Variants in ZNF140 observed in about 807,000 individuals in gnomAD.
ZNF140 encodes zinc finger protein 140 (clone pHZ-39).
Under a neutral mutation model 12.9 loss-of-function variants are expected in ZNF140, and 13 were observed. The ratio of observed to expected loss-of-function variants is 1.01; its 90% CI spans 0.66 to 1.60. The LOEUF (loss-of-function observed/expected upper bound fraction) is 1.60. Ranked by LOEUF, ZNF140 falls within the 40% of genes most tolerant of loss-of-function variation. The pLI is 0.00. For synonymous variants in ZNF140, 214 were observed against 186.7 expected (o/e 1.15, Z -1.19); for missense variants, 531 against 548.8 (o/e 0.97, Z 0.32).
intron 4 of ZNF140, among the ~76,000 whole-genome samples, chr12:133,091,176 A>G (rs1353866967): frequency 1.3e-5 from 2 of 150,298 alleles, no homozygotes; most frequent in Non-Finnish European, 3.0e-5. Context: ...TCAGACTCTC[A>G]CATTGGGAGA....
At chr12:133,104,577 T>A (rs1955507292) in intron 4 of ZNF140, among the ~76,000 whole-genome samples, 1 of 152,122 alleles carries the variant, frequency 6.6e-6, no homozygotes, top group African/African-American at 2.4e-5. Flanking sequence ...GGTCTCGATC[T>A]CCTGACCTCA....
intron 4 of ZNF140, 38 bp from the exon 5 acceptor site, chr12:133,105,472 G>T: frequency 6.6e-7 from 1 of 1,525,768 alleles, no homozygotes; most frequent in Non-Finnish European, 8.8e-7. Context: ...TTCAATACAG[G>T]AAAAAGAAAC....
At chr12:133,094,477 C>T (rs1033333358) in intron 4 of ZNF140, among the ~76,000 whole-genome samples, 5 of 151,308 alleles carry the variant, frequency 3.3e-5, no homozygotes, top group Admixed American at 6.6e-5. Context: ...GGTTGAATTG[C>T]TGCATTAATG....
chr12:133,106,197 G>A lies in ZNF140; in HGVS notation c.920G>A (p.Gly307Glu). Residue 307 changes from glycine (G) to glutamate (E), a missense_variant, in exon 5 of 5, where the codon GGG (glycine) becomes GAG (glutamate). Transcript: ENST00000355557. ...AAACCTTATGAATGCATTGAATGTGGGAAGGCATTTCGCCGTTTCTCACAC... is the reference window on the plus strand; with the variant it reads ...AAACCTTATGAATGCATTGAATGTGAGAAGGCATTTCGCCGTTTCTCACAC... ...GEKPYECIEC[G>E]KAFRRFSHLT... 1 of 1,613,988 alleles carries A rather than the reference G, an allele frequency of 6.2e-7. No homozygotes were observed. The highest frequency in any genetic ancestry group is 1.3e-5 in the African/African-American group (1 of 74,970).
In ZNF140 at chr12:133,081,255, C is replaced by T; in HGVS notation, c.-48-18C>T. 1.8e-5 allele frequency: 26 copies of T among 1,473,092 alleles called. 1 individual carries two copies. The South Asian group carries it at 3.0e-4, about 17-fold the overall frequency. The allele number at this position is 1,473,092 out of a possible 1,614,324, so 91.3% of individuals were successfully genotyped here. On this transcript the variant is annotated intron_variant, in intron 1 of 4. Transcript: ENST00000355557. The stretch of plus-strand genomic sequence containing the variant: ...CTAGCTGGCCTGTTCGCTCAGGGCT[C>T]CTTTCTCTCTCTGCCAGGTCTGCCA...
At chr12:133,094,737 C>T (rs1955006972) in intron 4 of ZNF140, among the ~76,000 whole-genome samples, 1 of 151,284 alleles carries the variant, frequency 6.6e-6, no homozygotes, top group African/African-American at 2.4e-5. Context: ...GTGCCACGAG[C>T]CAAGTCGCAG....
At position 133,106,011 on chromosome 12, in the gene ZNF140, A is replaced by G. The variant is rs774261530; in HGVS notation, c.734A>G (p.Tyr245Cys). Residue 245 changes from tyrosine to cysteine, a missense_variant, in exon 5 of 5, where the codon TAT becomes TGT. By Grantham distance (194) the Tyr-to-Cys change is radical (BLOSUM62 -2). Coordinates refer to ENST00000355557, the MANE Select transcript of ZNF140 (RefSeq NM_003440.4). ...AGAACGCACACTGGGGAGAAACCTT[A>G]TGAATGTACTGAGTGTGGAAAGGCC... ...HQRTHTGEKP[Y>C]ECTECGKAFS... The G allele has an allele frequency of 6.2e-7, 1 of 1,614,182 alleles. No individual in the cohort carries two copies. The highest frequency in any genetic ancestry group is 8.5e-7 in the Non-Finnish European group (1 of 1,180,040).
At chr12:133,087,407 G>C (rs1242826624) in intron 4 of ZNF140, among the ~76,000 whole-genome samples, 1 of 151,964 alleles carries the variant, frequency 6.6e-6, no homozygotes, top group African/African-American at 2.4e-5. Context: ...GTAGGCAATT[G>C]AGTATCATAG....
At chr12:133,080,657 A>G (rs1463414198), upstream of ZNF140, 4 of 152,226 alleles carry the variant, frequency 2.6e-5, no homozygotes, top group African/African-American at 4.8e-5. Flanking sequence ...GATAGCCCCT[A>G]TGCTCTGGCG....
chr12:133,095,749 G>A (rs10870578), intron 4 of ZNF140, among the ~76,000 whole-genome samples: 58,040 of 140,474 alleles, frequency 0.41, 8,809 homozygotes, highest in East Asian at 0.75. Flanking sequence ...AAGAATCTAT[G>A]TCATAATTAG....
chr12:133,085,065 C>A (rs905843548), intron 4 of ZNF140, among the ~76,000 whole-genome samples: 12 of 152,082 alleles, frequency 7.9e-5, no homozygotes, highest in Non-Finnish European at 1.3e-4. Flanking sequence ...GCTCTTGCCC[C>A]CTAGGCTGGA....
upstream of ZNF140, chr12:133,080,613 C>G (rs1282936868): frequency 6.6e-6 from 1 of 152,550 alleles, no homozygotes; most frequent in African/African-American, 2.4e-5. Flanking sequence ...GCCTAGGACC[C>G]GGGTTCTTTG....
Position 133,106,273 on chromosome 12 carries a change from T to C in ZNF140, c.996T>C (p.Asn332=), listed in dbSNP as rs1444218450. ...CAACCAAAACCCCGTATGAATGTAA[T>C]GAATGTAGGAAAGCTTTCCGTTGTC... The part of the protein sequence containing the change: ...IHTTKTPYEC[N]ECRKAFRCHS... The change falls in exon 5 of 5, where the codon AAT becomes AAC. Residue 332 remains asparagine (N), a synonymous_variant. Coordinates refer to ENST00000355557, the MANE Select transcript of ZNF140 (RefSeq NM_003440.4). 6.2e-7 allele frequency: 1 copy of C among 1,614,190 alleles called. No individual in the cohort carries two copies. The highest frequency in any genetic ancestry group is 8.5e-7 in the Non-Finnish European group (1 of 1,180,030).
intron 3 of ZNF140, 94 bp downstream of exon 3, chr12:133,083,323 G>C: frequency 6.6e-7 from 1 of 1,514,022 alleles, no homozygotes; most frequent in Admixed American, 2.3e-5. Flanking sequence ...AGAGGTATGG[G>C]GTTTCTTAAA....
intron 4 of ZNF140, among the ~76,000 whole-genome samples, chr12:133,104,677 A>T (rs1004339301): frequency 6.6e-6 from 1 of 152,176 alleles, no homozygotes; most frequent in Non-Finnish European, 1.5e-5. Flanking sequence ...TTTTAAGGAG[A>T]CACTTCATAT....
intron 4 of ZNF140, among the ~76,000 whole-genome samples, chr12:133,089,097 C>T (rs973544484): frequency 4.6e-5 from 7 of 152,100 alleles, no homozygotes; most frequent in Admixed American, 6.6e-5. Context: ...GTTTTCCCTC[C>T]GTTTCTGTCG....
At chr12:133,083,365 T>C (rs1954566877) in intron 3 of ZNF140, 101 bp from the exon 4 acceptor site, 1 of 1,504,804 alleles carries the variant, frequency 6.6e-7, no homozygotes, top group South Asian at 1.3e-5. Flanking sequence ...TAACTGCACC[T>C]TATTTTTAGA....
At chr12:133,091,017 C>A (rs1024844309) in intron 4 of ZNF140, among the ~76,000 whole-genome samples, 10 of 148,944 alleles carry the variant, frequency 6.7e-5, no homozygotes, top group South Asian at 2.1e-4. Context: ...CCGAGACATT[C>A]AGTTCCCAGG....
At chr12:133,103,039 A>G (rs1955753392) in intron 4 of ZNF140, among the ~76,000 whole-genome samples, 1 of 151,926 alleles carries the variant, frequency 6.6e-6, no homozygotes, top group Admixed American at 6.5e-5. Flanking sequence ...TTTTTAATTG[A>G]CACAATGACT....
Sources: allele counts gnomAD v4.1 joint callset (sites outside exome capture counted in the v4.1 genomes callset), GRCh38; gene constraint gnomAD v4.1.1; transcripts MANE v1.5; gene names NCBI Gene and HGNC (gene_info 2026-07-23, HGNC 2026-07-21).